SDK1: variants seen among roughly 807,000 people sequenced by gnomAD.
The protein encoded by SDK1 is protein sidekick-1.
SDK1 carries 157 observed loss-of-function variants against 245.5 expected under a neutral mutation model. The observed-to-expected ratio is 0.64, with a 90% CI of 0.56 to 0.73. The LOEUF (loss-of-function observed/expected upper bound fraction) is 0.73, where lower values mean the gene tolerates loss of function less well. SDK1 is among the 30% of genes least tolerant of loss of function. The pLI is 0.00. For missense variants in SDK1, 3,583 were observed against 3,002.3 expected, an observed-to-expected ratio of 1.19 and a Z score of -4.52; for synonymous variants, 1,647 against 1,278.5, an observed-to-expected ratio of 1.29 and a Z score of -6.15.
intron 22 of SDK1, among the ~76,000 whole-genome samples, chr7:4,104,830 G>C (rs968689378): frequency 2.0e-5 from 3 of 152,038 alleles, no homozygotes; most frequent in African/African-American, 4.8e-5. Context: ...AGCCTCCTGA[G>C]TAGCTGGAAC....
chr7:3,451,958 T>C (rs1451353959), intron 1 of SDK1, among the ~76,000 whole-genome samples: 4 of 152,180 alleles, frequency 2.6e-5, no homozygotes, highest in Non-Finnish European at 2.9e-5. Context: ...GAGCTCTGAC[T>C]CCAATATTGA....
chr7:3,672,707 A>T (rs1783743538), intron 4 of SDK1, among the ~76,000 whole-genome samples: 1 of 135,458 alleles, frequency 7.4e-6, no homozygotes, highest in Non-Finnish European at 1.6e-5. Flanking sequence ...TTAAATAAAA[A>T]TTAAATTTAT....
At chr7:3,925,958 ATCCCT>A (rs1779752450) in intron 5 of SDK1, among the ~76,000 whole-genome samples, 1 of 152,240 alleles carries the variant, frequency 6.6e-6, no homozygotes, top group African/African-American at 2.4e-5. Context: ...CAAACGTGTT[ATCCCT>A]TTTCAGGTCC....
rs1780202503 is a variant in SDK1, at chr7:4,149,402, G to T, written c.4564G>T (p.Gly1522Cys). 4 of 1,581,652 alleles carry T rather than the reference G, an allele frequency of 2.5e-6. No homozygotes were observed. The highest frequency in any genetic ancestry group is 3.4e-6 in the Non-Finnish European group (4 of 1,164,994). Residue 1522 changes from glycine (G) to cysteine (C), a missense_variant, in exon 30 of 45, where the codon GGT becomes TGT. By Grantham distance (159) the Gly-to-Cys change is radical. Coordinates refer to ENST00000404826, the MANE Select transcript of SDK1 (RefSeq NM_152744.4). ...FTMQVRELPR[G>C]EWQTYSSSIS... ...CATGCAGGTGCGAGAGCTGCCTCGG[G>T]GTGAGTGGCAGACCTACTCCTCGTC...
chr7:3,311,608 C>T (rs1779551959), intron 1 of SDK1, among the ~76,000 whole-genome samples: 1 of 152,066 alleles, frequency 6.6e-6, no homozygotes, highest in African/African-American at 2.4e-5. Context: ...TGTCATTTGG[C>T]AGAATGGTAA....
chr7:3,551,315 T>G (rs1562557125), intron 1 of SDK1, among the ~76,000 whole-genome samples: 1 of 152,156 alleles, frequency 6.6e-6, no homozygotes, highest in Non-Finnish European at 1.5e-5. Context: ...TACTATTTTT[T>G]GATATTTGAA....
At chr7:4,239,064 C>T (rs1378444970) in intron 42 of SDK1, among the ~76,000 whole-genome samples, 1 of 152,206 alleles carries the variant, frequency 6.6e-6, no homozygotes, top group Non-Finnish European at 1.5e-5. Context: ...TCTGAGCCGT[C>T]TGAGGGCCAG....
At chr7:3,316,954 C>G (rs763554346) in intron 1 of SDK1, among the ~76,000 whole-genome samples, 1 of 151,772 alleles carries the variant, frequency 6.6e-6, no homozygotes, top group Non-Finnish European at 1.5e-5. Context: ...CTGAGGTGGG[C>G]AGATCTCTTG....
At chr7:4,213,802 GC>G (rs553350326) in intron 38 of SDK1, among the ~76,000 whole-genome samples, 3 of 152,162 alleles carry the variant, frequency 2.0e-5, no homozygotes, top group Non-Finnish European at 4.4e-5. Context: ...TTTCAGTGTT[GC>G]CGTTTCTTGT....
rs994876546 is a variant in SDK1 at position 4,268,354 on chromosome 7, C to T, written c.*2970C>T. The stretch of plus-strand genomic sequence containing the variant: ...GCCCAGAGAGAGCTGCCAGGCCACA[C>T]CCCCTCGGCCTCCTGCACGGCCACC... On this transcript the variant is annotated 3_prime_UTR_variant, in exon 45 of 45. Transcript: ENST00000404826. 9.5e-6 allele frequency: 10 copies of T among 1,050,376 alleles called. No individual in the cohort carries two copies. The highest frequency in any genetic ancestry group is 9.2e-6 in the Non-Finnish European group (8 of 867,154). The allele number at this position is 1,050,376 out of a possible 1,614,324, so 65.1% of individuals were successfully genotyped here.
At chr7:4,203,155 G>C (rs10259400) in intron 35 of SDK1, among the ~76,000 whole-genome samples, 49,406 of 152,136 alleles carry the variant, frequency 0.32, 8,781 homozygotes, top group African/African-American at 0.47. Context: ...CCCGGCTCAG[G>C]CCCCAGCGCC....
intron 35 of SDK1, among the ~76,000 whole-genome samples, chr7:4,179,789 C>T (rs1286892017): frequency 6.6e-6 from 1 of 151,798 alleles, no homozygotes; most frequent in Non-Finnish European, 1.5e-5. Context: ...CTGCGGACGG[C>T]GGCCATGGCA....
intron 44 of SDK1, among the ~76,000 whole-genome samples, chr7:4,262,018 CTTTTTTTTTTTTTTT>C (rs34610558): frequency 5.1e-5 from 3 of 59,252 alleles, no homozygotes; most frequent in East Asian, 7.8e-4. Flanking sequence ...CTGCTTTCTC[CTTTTTTTTTTTTTTT>C]TTTTTTTTTT....
chr7:3,656,403 G>A (rs1464643801), intron 4 of SDK1, among the ~76,000 whole-genome samples: 1 of 152,154 alleles, frequency 6.6e-6, no homozygotes, highest in Non-Finnish European at 1.5e-5. Flanking sequence ...CAGGTCATTT[G>A]TTCCTCTGAC....
intron 32 of SDK1, among the ~76,000 whole-genome samples, chr7:4,163,172 G>C (rs1335096601): frequency 2.0e-5 from 3 of 152,222 alleles, no homozygotes; most frequent in South Asian, 2.1e-4. Flanking sequence ...TGGGAACATA[G>C]TGGGATGGGG....
intron 40 of SDK1, among the ~76,000 whole-genome samples, chr7:4,225,799 T>C (rs555733301): frequency 6.6e-6 from 1 of 152,024 alleles, no homozygotes. Flanking sequence ...GGGACCAAGA[T>C]GTGACAACAG....
chr7:3,820,241 C>A (rs1405771582), intron 4 of SDK1, among the ~76,000 whole-genome samples: 1 of 152,168 alleles, frequency 6.6e-6, no homozygotes, highest in African/African-American at 2.4e-5. Context: ...CCTCCGCCTC[C>A]CAGGTTCAAG....
At chr7:3,927,086 A>G (rs1056831386) in intron 5 of SDK1, among the ~76,000 whole-genome samples, 9 of 152,296 alleles carry the variant, frequency 5.9e-5, no homozygotes, top group African/African-American at 2.2e-4. Flanking sequence ...ATGGGCAGGT[A>G]GGGCTGACAC....
chr7:3,677,990 C>T (rs1783963171), intron 4 of SDK1, among the ~76,000 whole-genome samples: 1 of 152,170 alleles, frequency 6.6e-6, no homozygotes, highest in Admixed American at 6.5e-5. Context: ...TACAAAAGGT[C>T]AGTAGGCTCA....
Sources: gnomAD v4.1 joint callset for allele counts (sites outside exome capture counted in the v4.1 genomes callset) on GRCh38, gnomAD v4.1.1 for gene constraint, MANE v1.5 for transcripts, NCBI Gene and HGNC (gene_info 2026-07-23, HGNC 2026-07-21) for gene names.